Variants in CCDC33 observed in about 807,000 individuals in gnomAD.
The protein encoded by CCDC33 is coiled-coil domain containing 33.
A neutral mutation model predicts 91.9 loss-of-function variants in CCDC33; 94 were observed. That is an observed-to-expected ratio of 1.02 (90% CI 0.87 to 1.21). The LOEUF (loss-of-function observed/expected upper bound fraction) is 1.21, where lower values mean the gene tolerates loss of function less well. CCDC33 is among the 50% of genes most tolerant of loss of function. The probability of loss-of-function intolerance (pLI) is 0.00; values close to 1 mark genes in which losing one functional copy is unlikely to be tolerated. For synonymous variants in CCDC33, 396 were observed against 374.5 expected, an observed-to-expected ratio of 1.06 and a Z score of -0.66; for missense variants, 940 against 935.5, an observed-to-expected ratio of 1.00 and a Z score of -0.06.
intron 3 of CCDC33, among the ~76,000 whole-genome samples, chr15:74,264,620 G>C (rs537225082): frequency 6.6e-6 from 1 of 152,188 alleles, no homozygotes; most frequent in Non-Finnish European, 1.5e-5. Flanking sequence ...ACAGCTCCTC[G>C]TGGTGCTTTG....
intron 11 of CCDC33, among the ~76,000 whole-genome samples, chr15:74,324,629 G>A (rs2060272081): frequency 1.3e-5 from 2 of 149,926 alleles, no homozygotes; most frequent in Non-Finnish European, 3.0e-5. Flanking sequence ...ACAGTTGCCA[G>A]ACGCTGAAAA....
At chr15:74,331,390 G>A in intron 15 of CCDC33, 94 bp downstream of exon 15, 3 of 1,259,236 alleles carry the variant, frequency 2.4e-6, no homozygotes, top group South Asian at 2.7e-5. Context: ...AGGAGAACCT[G>A]CGAAGAGGTC....
chr15:74,297,402 A>G (rs2059709923), intron 11 of CCDC33, among the ~76,000 whole-genome samples: 1 of 152,192 alleles, frequency 6.6e-6, no homozygotes, highest in Admixed American at 6.5e-5. Flanking sequence ...GAGGTAGTAA[A>G]GGAAAGAGAG....
intron 11 of CCDC33, chr15:74,304,127 T>G (rs961333431): frequency 1.8e-4 from 28 of 152,358 alleles, no homozygotes; most frequent in African/African-American, 6.7e-4. Flanking sequence ...TGACCTTGGA[T>G]AAATCACTCC....
chr15:74,262,312 T>C (rs1335438917), intron 2 of CCDC33, 128 bp from the exon 3 acceptor site: 1 of 1,226,712 alleles, frequency 8.2e-7, no homozygotes, highest in Non-Finnish European at 1.1e-6. Flanking sequence ...CAAGTGTCTA[T>C]GCATGGGACA....
chr15:74,221,456 T>A, intron 2 of CCDC33: 5 of 302,106 alleles, frequency 1.7e-5, no homozygotes, highest in Non-Finnish European at 2.4e-5. Flanking sequence ...TACACAGCCT[T>A]AAATGGCCCT....
chr15:74,310,217 T>C (rs949051870), intron 11 of CCDC33, among the ~76,000 whole-genome samples: 10 of 151,866 alleles, frequency 6.6e-5, no homozygotes, highest in African/African-American at 2.4e-4. Context: ...GGAGATGTGC[T>C]TGGTGCAGAA....
At position 74,307,093 on chromosome 15, in the gene CCDC33, G is replaced by A. The variant is rs145804197; in HGVS notation, c.1290+11145G>A. Among the ~76,000 whole-genome samples the A allele has an allele frequency of 1.5e-3, 233 of 152,256 alleles. 2 individuals are homozygous for A. Among genetic ancestry groups the A allele is most frequent in the South Asian group, 8.3e-3 (40 of 4,798 alleles). ...TGCTGTCCATCCTTAATTAAATGGT[G>A]GGTGGGCGAGGCAGGAGTGGAGCAC... is the stretch of plus-strand genomic sequence containing the variant. On this transcript the variant is annotated intron_variant, in intron 11 of 18. Coordinates refer to ENST00000398814, the MANE Select transcript of CCDC33 (RefSeq NM_025055.5).
At chr15:74,238,844 G>T (rs1255583660) in intron 1 of CCDC33, among the ~76,000 whole-genome samples, 1 of 152,188 alleles carries the variant, frequency 6.6e-6, no homozygotes, top group African/African-American at 2.4e-5. Flanking sequence ...AGCAGAGACA[G>T]CAAGAGTGTG....
intron 10 of CCDC33, among the ~76,000 whole-genome samples, chr15:74,290,199 A>G (rs1288382795): frequency 6.9e-6 from 1 of 144,230 alleles, no homozygotes; most frequent in African/African-American, 2.6e-5. Flanking sequence ...TTTTTTTGAG[A>G]TGGAGTCCTG....
In CCDC33 at chr15:74,280,753, G is replaced by A; in HGVS notation, c.975G>A (p.Leu325=). 6.3e-7 allele frequency: 1 copy of A among 1,577,984 alleles called. No homozygotes were observed. The highest frequency in any genetic ancestry group is 1.2e-5 in the South Asian group (1 of 86,042). Residue 325 remains leucine (L), a synonymous_variant, in exon 9 of 19, where the codon CTG becomes CTA. Coordinates refer to ENST00000398814, the MANE Select transcript of CCDC33 (RefSeq NM_025055.5). The part of the protein sequence containing the change: ...PLKSRLYQKM[L]TGKGLDGLHV... ...AGAGCCGTTTGTACCAGAAGATGCT[G>A]ACAGGGAAAGGCTTGGACGGGCTTC...
intron 10 of CCDC33, among the ~76,000 whole-genome samples, chr15:74,282,347 A>C (rs1203083312): frequency 1.3e-5 from 2 of 151,946 alleles, no homozygotes; most frequent in Admixed American, 1.3e-4. Context: ...GCAGTGCCGG[A>C]CTCACATCCC....
At position 74,331,196 on chromosome 15, in the gene CCDC33, T is replaced by C. The variant is rs755706683; in HGVS notation, c.1678-7T>C. 6.2e-7 allele frequency: 1 copy of C among 1,614,028 alleles called. No individual in the cohort carries two copies. The highest frequency in any genetic ancestry group is 8.5e-7 in the Non-Finnish European group (1 of 1,179,972). ...TGGGCCAGCCCAGCCTCTGCTCTGC[T>C]CTCCAGGTGATCGAGAAGATGGAGC... On this transcript the variant is annotated splice_polypyrimidine_tract_variant and splice_region_variant and intron_variant, in intron 14 of 18. Coordinates refer to ENST00000398814, the MANE Select transcript of CCDC33 (RefSeq NM_025055.5).
chr15:74,286,834 G>A (rs1056005831), intron 10 of CCDC33, among the ~76,000 whole-genome samples: 1 of 152,092 alleles, frequency 6.6e-6, no homozygotes, highest in Non-Finnish European at 1.5e-5. Flanking sequence ...TTGAGGAGAG[G>A]TGGCAGTGGC....
chr15:74,252,551 G>T (rs187503353), intron 2 of CCDC33, among the ~76,000 whole-genome samples: 1 of 152,352 alleles, frequency 6.6e-6, no homozygotes, highest in African/African-American at 2.4e-5. Context: ...AGCAGGCTGC[G>T]TTATTCCCAT....
chr15:74,303,239 G>A (rs2059828971), intron 11 of CCDC33: 1 of 152,448 alleles, frequency 6.6e-6, no homozygotes, highest in Admixed American at 6.5e-5. Context: ...CAAAGCCCCG[G>A]GAGCCTGGGA....
intron 2 of CCDC33, among the ~76,000 whole-genome samples, chr15:74,246,961 AT>A (rs1566967062): frequency 6.6e-6 from 1 of 152,028 alleles, no homozygotes; most frequent in East Asian, 1.9e-4. Flanking sequence ...CCTGGCCAAT[AT>A]GGTGAAACCC....
upstream of CCDC33, among the ~76,000 whole-genome samples, chr15:74,213,999 G>T (rs1018994078): frequency 6.6e-6 from 1 of 152,152 alleles, no homozygotes; most frequent in Admixed American, 6.5e-5. Context: ...CTTGGCTCCA[G>T]AGAACTCATG....
chr15:74,302,254 G>A lies in CCDC33; in HGVS notation c.1290+6306G>A, dbSNP rs55983308. The A allele has an allele frequency of 7.9e-3, 1,206 of 152,344 alleles. 7 individuals carry two copies. Among genetic ancestry groups the A allele is most frequent in the Non-Finnish European group, 0.012 (799 of 68,082 alleles). The allele number at this position is 152,344 out of a possible 1,614,324, so 9.4% of individuals were successfully genotyped here. On this transcript the variant is annotated intron_variant, in intron 11 of 18. Transcript: ENST00000398814. ...TCCCCACCCCACTTGCCGTGCTCCG[G>A]AGGTGTAGGTTGACTTCAGCAGAGA...
Sources: allele counts gnomAD v4.1 joint callset (sites outside exome capture counted in the v4.1 genomes callset), GRCh38; gene constraint gnomAD v4.1.1; transcripts MANE v1.5; gene names NCBI Gene and HGNC (gene_info 2026-07-23, HGNC 2026-07-21).